MAST4: variants seen among roughly 807,000 people sequenced by gnomAD.
MAST4 encodes the protein microtubule-associated serine/threonine-protein kinase 4.
Under a neutral mutation model 162.7 loss-of-function variants are expected in MAST4, and 89 were observed. The ratio of observed to expected loss-of-function variants is 0.55; its 90% CI spans 0.46 to 0.65. The LOEUF (loss-of-function observed/expected upper bound fraction) is 0.65, where lower values mean the gene tolerates loss of function less well. MAST4 is among the 30% of genes least tolerant of loss of function. The probability of loss-of-function intolerance (pLI) is 0.00; values close to 1 mark genes in which losing one functional copy is unlikely to be tolerated. For missense variants in MAST4, 3,153 were observed against 3,374.0 expected, an observed-to-expected ratio of 0.93 and a Z score of 1.62; for synonymous variants, 1,479 against 1,361.1, an observed-to-expected ratio of 1.09 and a Z score of -1.91.
chr5:66,912,093 T>G (rs937966880), intron 4 of MAST4, among the ~76,000 whole-genome samples: 1 of 152,190 alleles, frequency 6.6e-6, no homozygotes, highest in Non-Finnish European at 1.5e-5. Flanking sequence ...TTTAGGAAAT[T>G]GAGCAGGGCA....
chr5:66,662,145 C>G (rs1194899285), intron 1 of MAST4, among the ~76,000 whole-genome samples: 2 of 151,678 alleles, frequency 1.3e-5, no homozygotes, highest in African/African-American at 4.8e-5. Context: ...GTGAAGAAAA[C>G]AGACATCTCT....
At chr5:66,887,439 G>T (rs958484011) in intron 3 of MAST4, among the ~76,000 whole-genome samples, 4 of 152,198 alleles carry the variant, frequency 2.6e-5, no homozygotes, top group Admixed American at 1.3e-4. Flanking sequence ...GTACTTAGCT[G>T]CAGGTAACAG....
At chr5:67,146,396 T>C (rs1409469160) in intron 23 of MAST4, among the ~76,000 whole-genome samples, 1 of 152,238 alleles carries the variant, frequency 6.6e-6, no homozygotes, top group Non-Finnish European at 1.5e-5. Flanking sequence ...ATTTGATTTA[T>C]AAAAATTTTA....
At chr5:67,153,606 A>G in intron 26 of MAST4, 26 bp downstream of exon 26, 2 of 1,545,154 alleles carry the variant, frequency 1.3e-6, no homozygotes, top group South Asian at 1.2e-5. Context: ...TGTCAGGGCC[A>G]TGCTGATGAG....
At chr5:66,682,885 A>G (rs181112721) in intron 1 of MAST4, among the ~76,000 whole-genome samples, 1 of 152,256 alleles carries the variant, frequency 6.6e-6, no homozygotes, top group African/African-American at 2.4e-5. Flanking sequence ...CTGGATTTTA[A>G]TTCCTCAAAG....
At chr5:67,144,034 A>G (rs1393372590) in intron 21 of MAST4, among the ~76,000 whole-genome samples, 1 of 151,848 alleles carries the variant, frequency 6.6e-6, no homozygotes, top group Non-Finnish European at 1.5e-5. Flanking sequence ...ATTCACAGAT[A>G]GCTGAGACCT....
At chr5:66,743,724 T>C (rs566484315) in intron 1 of MAST4, among the ~76,000 whole-genome samples, 1 of 152,218 alleles carries the variant, frequency 6.6e-6, no homozygotes, top group Admixed American at 6.5e-5. Context: ...CCCAGTCAGA[T>C]AGAATTCAGG....
chr5:66,635,826 A>G (rs1030197437), intron 1 of MAST4, among the ~76,000 whole-genome samples: 1 of 151,356 alleles, frequency 6.6e-6, no homozygotes, highest in African/African-American at 2.4e-5. Flanking sequence ...CTGAAATTGT[A>G]TGCAAAGTCT....
intron 2 of MAST4, among the ~76,000 whole-genome samples, chr5:66,770,301 G>A (rs78222754): frequency 0.014 from 2,107 of 152,298 alleles, 52 homozygotes; most frequent in African/African-American, 0.048. Flanking sequence ...ATTTTTGTAA[G>A]TGTTGCAATT....
At chr5:67,070,982 A>G (rs893224838) in intron 5 of MAST4, among the ~76,000 whole-genome samples, 51 of 152,348 alleles carry the variant, frequency 3.3e-4, no homozygotes, top group Admixed American at 2.9e-3. Context: ...TTAAGAAACT[A>G]TACTTTCCAG....
intron 1 of MAST4, among the ~76,000 whole-genome samples, chr5:66,632,026 GT>G (rs1349491597): frequency 2.0e-5 from 3 of 152,068 alleles, no homozygotes; most frequent in African/African-American, 7.2e-5. Flanking sequence ...TTGATTTTGA[GT>G]TTTTATTACA....
intron 1 of MAST4, among the ~76,000 whole-genome samples, chr5:66,600,150 A>G (rs1318276886): frequency 1.3e-5 from 2 of 152,206 alleles, no homozygotes; most frequent in African/African-American, 4.8e-5. Flanking sequence ...CTACCCTTTA[A>G]GCTTTTGGTG....
intron 1 of MAST4, among the ~76,000 whole-genome samples, chr5:66,722,576 T>C (rs1330621742): frequency 1.3e-5 from 2 of 152,152 alleles, no homozygotes; most frequent in African/African-American, 4.8e-5. Flanking sequence ...GTCTCTGTTT[T>C]TCACTAATGT....
intron 9 of MAST4, among the ~76,000 whole-genome samples, chr5:67,103,885 C>G (rs540232236): frequency 6.6e-5 from 10 of 152,188 alleles, no homozygotes; most frequent in Non-Finnish European, 1.2e-4. Flanking sequence ...TTCACAGATA[C>G]AATCTGAGTT....
chr5:67,057,219 C>T (rs1758943003), intron 5 of MAST4, among the ~76,000 whole-genome samples: 1 of 152,184 alleles, frequency 6.6e-6, no homozygotes, highest in Non-Finnish European at 1.5e-5. Flanking sequence ...CCTTTTGCCT[C>T]ACCCTTTCTG....
At chr5:66,813,080 T>C (rs953752417) in intron 3 of MAST4, among the ~76,000 whole-genome samples, 1 of 152,210 alleles carries the variant, frequency 6.6e-6, no homozygotes, top group East Asian at 1.9e-4. Flanking sequence ...TTAATGAGAA[T>C]GCTGTTGCAT....
chr5:66,660,809 A>G (rs1334335493), intron 1 of MAST4, among the ~76,000 whole-genome samples: 4 of 152,244 alleles, frequency 2.6e-5, no homozygotes, highest in Admixed American at 2.6e-4. Context: ...AAGTAATATA[A>G]TTGAATTCTG....
intron 4 of MAST4, among the ~76,000 whole-genome samples, chr5:67,045,902 A>T (rs1439295712): frequency 4.6e-5 from 7 of 152,184 alleles, no homozygotes; most frequent in Non-Finnish European, 7.4e-5. Context: ...TCAGAAACAA[A>T]ATGCCTTTAA....
chr5:66,640,226 A>G (rs1008803221), intron 1 of MAST4, among the ~76,000 whole-genome samples: 1 of 151,618 alleles, frequency 6.6e-6, no homozygotes, highest in South Asian at 2.1e-4. Flanking sequence ...TTTTATCCAT[A>G]TTGTCACAAA....
Sources: allele counts gnomAD v4.1 joint callset (sites outside exome capture counted in the v4.1 genomes callset), GRCh38; gene constraint gnomAD v4.1.1; transcripts MANE v1.5; gene names NCBI Gene and HGNC (gene_info 2026-07-23, HGNC 2026-07-21).